The following UBOX5 variants were observed in gnomAD, a reference collection of about 807,000 sequenced individuals.
UBOX5 encodes the protein RING finger protein 37.
UBOX5 carries 28 observed loss-of-function variants against 39.0 expected under a neutral mutation model. The ratio of observed to expected loss-of-function variants is 0.72; its 90% CI spans 0.53 to 0.98. UBOX5 has a LOEUF of 0.98. UBOX5 is among the 50% of genes least tolerant of loss of function. UBOX5 has a pLI of 0.00. For synonymous variants in UBOX5, 283 were observed against 275.5 expected, an observed-to-expected ratio of 1.03 and a Z score of -0.27; for missense variants, 585 against 674.4, an observed-to-expected ratio of 0.87 and a Z score of 1.47.
At chr20:3,152,682 C>A (rs543700847) in intron 1 of UBOX5, among the ~76,000 whole-genome samples, 1 of 152,004 alleles carries the variant, frequency 6.6e-6, no homozygotes, top group Non-Finnish European at 1.5e-5. Context: ...CCAAGGTGGG[C>A]GGACCACTTG....
At chr20:3,127,155 C>T (rs905686659) in intron 1 of UBOX5, among the ~76,000 whole-genome samples, 4 of 152,046 alleles carry the variant, frequency 2.6e-5, no homozygotes, top group Admixed American at 2.6e-4. Context: ...AAACACCCCT[C>T]GCAGTGGCAG....
At chr20:3,140,459 T>C (rs1174211838) in intron 1 of UBOX5, among the ~76,000 whole-genome samples, 1 of 152,156 alleles carries the variant, frequency 6.6e-6, no homozygotes, top group African/African-American at 2.4e-5. Context: ...TTAGTAACAG[T>C]GTCAGCAAAA....
At chr20:3,127,342 C>G (rs6051591) in intron 1 of UBOX5, among the ~76,000 whole-genome samples, 2 of 152,246 alleles carry the variant, frequency 1.3e-5, no homozygotes, top group Admixed American at 6.5e-5. Context: ...ACTAAGCGTC[C>G]TGCAACATCT....
chr20:3,149,213 A>C lies in UBOX5; in HGVS notation c.-42+10553T>G. On this transcript the variant is annotated intron_variant, in intron 1 of 4. Transcript: ENST00000217173. The surrounding 1 kb of genome is among the most constrained non-coding windows in gnomAD (Gnocchi z 4.1). ...ACTGCCTGGAAATCTTCAGCATATC[A>C]CAAGAGCCAGGGATCACAAATGACT... The C allele has an allele frequency of 1.5e-5, 12 of 822,414 alleles. No homozygotes were observed. The highest frequency in any genetic ancestry group is 2.3e-5 in the Non-Finnish European group (12 of 530,772). The allele number at this position is 822,414 out of a possible 1,614,324, so 50.9% of individuals were successfully genotyped here. A position where few individuals can be genotyped will look rare whatever the true frequency, so the allele number is the denominator to read the frequency against.
At chr20:3,136,678 T>C (rs1488379354) in intron 1 of UBOX5, among the ~76,000 whole-genome samples, 1 of 147,292 alleles carries the variant, frequency 6.8e-6, no homozygotes, top group African/African-American at 2.5e-5. Flanking sequence ...TATTTTGAGA[T>C]GGAGTCTTGT....
chr20:3,121,561 G>A lies in UBOX5; in HGVS notation c.1078C>T (p.Pro360Ser). ...TGCTCTATCTTCCTTTTCTGAGAGGGCAGAACAATGGAAGAAGGGATCACT... is the reference window on the plus strand; with the variant it reads ...TGCTCTATCTTCCTTTTCTGAGAGGACAGAACAATGGAAGAAGGGATCACT... ...LAVIPSSIVLPSQKRKIEQAE... is the reference protein window; with the variant it reads ...LAVIPSSIVLSSQKRKIEQAE... The change falls in exon 3 of 5, where the codon CCC becomes TCC. Residue 360 changes from proline to serine, a missense_variant. Physicochemically the swap from Pro to Ser is moderately conservative, Grantham distance 74. Coordinates refer to ENST00000217173, the MANE Select transcript of UBOX5 (RefSeq NM_014948.4). 2.5e-6 allele frequency: 4 copies of A among 1,608,260 alleles called. No homozygotes were observed. The highest frequency in any genetic ancestry group is 1.3e-5 in the African/African-American group (1 of 74,852).
At position 3,110,143 on chromosome 20, in the gene UBOX5, G is replaced by A. The variant is rs201389796; in HGVS notation, c.1589C>T (p.Pro530Leu). The change falls in exon 5 of 5, where the codon CCG becomes CTG. Residue 530 changes from proline to leucine, a missense_variant. Transcript: ENST00000217173. Reference protein sequence around the residue: ...LPMTCTACQRPVASQDVLRVH... With the variant: ...LPMTCTACQRLVASQDVLRVH... Reference sequence around the variant, plus strand: ...CCGCAGCACGTCTTGGCTAGCAACCGGCCGCTGGCAGGCTGTGCACGTCAT... The same window carrying A: ...CCGCAGCACGTCTTGGCTAGCAACCAGCCGCTGGCAGGCTGTGCACGTCAT... The A allele has an allele frequency of 1.8e-5, 29 of 1,612,806 alleles. No individual in the cohort carries two copies. The highest frequency in any genetic ancestry group is 2.0e-4 in the Middle Eastern group (1 of 5,108).
intron 1 of UBOX5, among the ~76,000 whole-genome samples, chr20:3,144,576 T>C (rs1233039008): frequency 1.3e-5 from 2 of 152,222 alleles, no homozygotes. Flanking sequence ...CAATGGTTTC[T>C]TAAATATGAT....
At chr20:3,126,456 A>G (rs1256321394) in intron 1 of UBOX5, among the ~76,000 whole-genome samples, 2 of 150,592 alleles carry the variant, frequency 1.3e-5, no homozygotes, top group African/African-American at 4.9e-5. Context: ...CTATTATCCT[A>G]TGACCCTGCC....
Position 3,147,930 on chromosome 20 carries a change from C to T in UBOX5, c.-42+11836G>A, listed in dbSNP as rs2066584650. The T allele has an allele frequency of 2.5e-6, 4 of 1,614,094 alleles. No individual in the cohort carries two copies. The East Asian group carries it at 6.7e-5, about 27-fold the overall frequency. On this transcript the variant is annotated intron_variant, in intron 1 of 4. Transcript: ENST00000217173. Reference sequence around the variant, plus strand: ...CCCAGGGAAGGAATTCGCTGAGGAGCTATCTCTCCAATCTGCTTCATGAAA... The same window carrying T: ...CCCAGGGAAGGAATTCGCTGAGGAGTTATCTCTCCAATCTGCTTCATGAAA...
At chr20:3,132,294 A>T (rs1301834627) in intron 1 of UBOX5, among the ~76,000 whole-genome samples, 1 of 152,208 alleles carries the variant, frequency 6.6e-6, no homozygotes, top group East Asian at 1.9e-4. Flanking sequence ...TGGACAACAG[A>T]GTGAGACCCT....
intron 1 of UBOX5, among the ~76,000 whole-genome samples, chr20:3,127,676 ACTT>A (rs2066401071): frequency 1.3e-5 from 2 of 152,308 alleles, no homozygotes; most frequent in South Asian, 4.1e-4. Context: ...GCTTCTGAAT[ACTT>A]CTTTATGCCT....
chr20:3,138,052 C>G (rs1180106276), intron 1 of UBOX5, among the ~76,000 whole-genome samples: 3 of 152,188 alleles, frequency 2.0e-5, no homozygotes, highest in African/African-American at 7.2e-5. Context: ...GTGGGCAGAT[C>G]ACTTGAGGTC....
chr20:3,147,111 G>A, intron 1 of UBOX5: 3 of 1,613,906 alleles, frequency 1.9e-6, no homozygotes, highest in Non-Finnish European at 2.5e-6. Context: ...AACTCCATGG[G>A]CTGCTGCCCA....
intron 1 of UBOX5, chr20:3,146,645 T>G (rs1568480638): frequency 9.2e-7 from 1 of 1,082,774 alleles, no homozygotes; most frequent in East Asian, 2.4e-5. Flanking sequence ...CTAACCTGCC[T>G]TGGATACAAT....
chr20:3,140,650 C>T (rs2066510162), intron 1 of UBOX5, among the ~76,000 whole-genome samples: 1 of 152,084 alleles, frequency 6.6e-6, no homozygotes, highest in Admixed American at 6.5e-5. Context: ...GGCTCTTCTG[C>T]CAACTCCTCC....
At chr20:3,151,857 C>A (rs2066628398) in intron 1 of UBOX5, 1 of 151,856 alleles carries the variant, frequency 6.6e-6, no homozygotes, top group African/African-American at 2.4e-5. Flanking sequence ...GTAATTCCAG[C>A]ACTTTGAGAG....
intron 1 of UBOX5, among the ~76,000 whole-genome samples, chr20:3,152,937 A>T (rs1217794266): frequency 6.6e-6 from 1 of 152,024 alleles, no homozygotes. Flanking sequence ...AAAAAAATAG[A>T]TTTAAAGGTC....
chr20:3,116,534 T>G (rs2066294937), intron 3 of UBOX5: 1 of 152,202 alleles, frequency 6.6e-6, no homozygotes, highest in South Asian at 2.1e-4. Context: ...CTAGTCAGCG[T>G]GGTCCTGAGT....
Sources: allele counts gnomAD v4.1 joint callset (sites outside exome capture counted in the v4.1 genomes callset), GRCh38; gene constraint gnomAD v4.1.1; non-coding constraint Gnocchi (gnomAD v3.1); transcripts MANE v1.5; gene names NCBI Gene and HGNC (gene_info 2026-07-23, HGNC 2026-07-21).